The following ANO5 variants were observed in gnomAD, a reference collection of about 807,000 sequenced individuals.
The protein encoded by ANO5 is anoctamin 5.
In ANO5, 109 loss-of-function variants were observed where a neutral mutation model predicts 121.0. That is an observed-to-expected ratio of 0.90 (90% CI 0.77 to 1.06). The LOEUF (loss-of-function observed/expected upper bound fraction) is 1.06. Ranked by LOEUF, ANO5 falls within the 50% of genes least tolerant of loss-of-function variation. ANO5 has a pLI of 0.00. For missense variants in ANO5, 1,064 were observed against 1,078.5 expected, an observed-to-expected ratio of 0.99 and a Z score of 0.19; for synonymous variants, 406 against 359.9, an observed-to-expected ratio of 1.13 and a Z score of -1.45.
At chr11:22,261,061 C>A (rs961519055) in intron 15 of ANO5, 1 of 152,172 alleles carries the variant, frequency 6.6e-6, no homozygotes, top group Admixed American at 6.5e-5. Flanking sequence ...CATGAGCTTA[C>A]TTTCTTTAAA....
intron 17 of ANO5, among the ~76,000 whole-genome samples, chr11:22,264,849 C>A (rs995558744): frequency 6.6e-6 from 1 of 152,008 alleles, no homozygotes; most frequent in African/African-American, 2.4e-5. Flanking sequence ...GAGTACAGTT[C>A]CAGCCTGGAC....
intron 18 of ANO5, among the ~76,000 whole-genome samples, chr11:22,272,406 G>A (rs1298680247): frequency 6.7e-6 from 1 of 150,364 alleles, no homozygotes; most frequent in East Asian, 2.0e-4. Flanking sequence ...AAAATTAGAT[G>A]GGCTAGCAAG....
intron 17 of ANO5, among the ~76,000 whole-genome samples, chr11:22,267,626 T>TAAC (rs1854420238): frequency 2.3e-5 from 1 of 44,090 alleles, no homozygotes; most frequent in Non-Finnish European, 4.3e-5. Flanking sequence ...TCTCTCTTTT[T>TAAC]TTTTAACTGT....
intron 3 of ANO5, among the ~76,000 whole-genome samples, chr11:22,216,770 G>A (rs1170596058): frequency 6.6e-6 from 1 of 151,784 alleles, no homozygotes; most frequent in Non-Finnish European, 1.5e-5. Flanking sequence ...CTACACCAAA[G>A]TAGGGGAGAT....
At chr11:22,221,369 A>G (rs1193879436) in intron 5 of ANO5, among the ~76,000 whole-genome samples, 159 bp downstream of exon 5, 2 of 152,062 alleles carry the variant, frequency 1.3e-5, no homozygotes, top group African/African-American at 4.8e-5. Flanking sequence ...CAGCCTAAGA[A>G]TAGACATGTA....
chr11:22,223,436 G>C (rs915617186), intron 5 of ANO5, among the ~76,000 whole-genome samples: 2 of 151,966 alleles, frequency 1.3e-5, no homozygotes, highest in African/African-American at 4.8e-5. Flanking sequence ...AGTGCCCTAG[G>C]TTTTTATTAG....
intron 18 of ANO5, among the ~76,000 whole-genome samples, chr11:22,270,809 T>G (rs1854584953): frequency 6.6e-6 from 1 of 152,150 alleles, no homozygotes; most frequent in Non-Finnish European, 1.5e-5. Context: ...ATAAGTAGCC[T>G]GGAAAACATT....
chr11:22,262,330 G>A, intron 16 of ANO5, 32 bp downstream of exon 16: 3 of 1,603,742 alleles, frequency 1.9e-6, no homozygotes, highest in Non-Finnish European at 2.6e-6. Flanking sequence ...GAGGTGTGTA[G>A]CTTCAATACC....
intron 14 of ANO5, among the ~76,000 whole-genome samples, chr11:22,258,557 T>C (rs1357533448): frequency 6.6e-6 from 1 of 152,216 alleles, no homozygotes; most frequent in African/African-American, 2.4e-5. Context: ...TTTGTGCTTT[T>C]GCAATATGGG....
chr11:22,272,631 T>C (rs1332130908), intron 18 of ANO5, among the ~76,000 whole-genome samples, 153 bp from the exon 19 acceptor site: 1 of 152,090 alleles, frequency 6.6e-6, no homozygotes, highest in Non-Finnish European at 1.5e-5. Context: ...GTGCCTCCTG[T>C]GGTAGAGGAG....
intron 1 of ANO5, among the ~76,000 whole-genome samples, chr11:22,199,742 G>A (rs1564907680): frequency 6.6e-6 from 1 of 152,028 alleles, no homozygotes; most frequent in Non-Finnish European, 1.5e-5. Flanking sequence ...TCACTCTGTT[G>A]TGATGTGTTG....
intron 3 of ANO5, among the ~76,000 whole-genome samples, chr11:22,211,734 A>G (rs1852283012): frequency 6.6e-6 from 1 of 151,916 alleles, no homozygotes; most frequent in African/African-American, 2.4e-5. Context: ...AAAAAGTACA[A>G]TTCATTTAAA....
Position 22,193,544 on chromosome 11 carries a change from C to G in ANO5, c.40+12C>G. Reference sequence around the variant, plus strand: ...GTTGGCGGAGGAAGGTAGGACCGCGCCAAGAGGCGTCAAGGGAGAGCCAGG... The same window carrying G: ...GTTGGCGGAGGAAGGTAGGACCGCGGCAAGAGGCGTCAAGGGAGAGCCAGG... On this transcript the variant is annotated intron_variant, in intron 1 of 21. Transcript: ENST00000324559. 6.2e-7 allele frequency: 1 copy of G among 1,611,868 alleles called. No individual in the cohort carries two copies. The highest frequency in any genetic ancestry group is 8.5e-7 in the Non-Finnish European group (1 of 1,179,440).
intron 7 of ANO5, among the ~76,000 whole-genome samples, chr11:22,229,291 C>T (rs1852955383): frequency 6.6e-6 from 1 of 151,954 alleles, no homozygotes; most frequent in Non-Finnish European, 1.5e-5. Flanking sequence ...AATTAGAGAT[C>T]TGATTCCATG....
chr11:22,262,771 A>C (rs1854233036), intron 16 of ANO5, among the ~76,000 whole-genome samples, 175 bp from the exon 17 acceptor site: 1 of 152,250 alleles, frequency 6.6e-6, no homozygotes, highest in South Asian at 2.1e-4. Flanking sequence ...AATCTAATGC[A>C]GCTAGCCTGG....
chr11:22,274,607 T>A lies in ANO5; in HGVS notation c.2274T>A (p.Arg758=). ...CATTTACGTCAGACATCATTCCCCG[T>A]CTAGTTTACTACTATGCTTACTCAA... ...IVAFTSDIIP[R]LVYYYAYSTN... The change falls in exon 20 of 22, where the codon CGT becomes CGA. Residue 758 remains arginine (R), a synonymous_variant. Coordinates refer to ENST00000324559, the MANE Select transcript of ANO5 (RefSeq NM_213599.3). 6.2e-7 allele frequency: 1 copy of A among 1,609,346 alleles called. No individual in the cohort carries two copies. The highest frequency in any genetic ancestry group is 2.2e-5 in the East Asian group (1 of 44,758).
At chr11:22,220,092 G>T (rs1285588104) in intron 4 of ANO5, among the ~76,000 whole-genome samples, 1 of 151,590 alleles carries the variant, frequency 6.6e-6, no homozygotes, top group Non-Finnish European at 1.5e-5. Context: ...TTTTCTGGGA[G>T]GCCTGTCTCA....
At chr11:22,210,099 T>C (rs1852232214) in intron 2 of ANO5, among the ~76,000 whole-genome samples, 1 of 151,988 alleles carries the variant, frequency 6.6e-6, no homozygotes, top group Non-Finnish European at 1.5e-5. Flanking sequence ...CAAGTAGATA[T>C]AATCACATAT....
intron 5 of ANO5, among the ~76,000 whole-genome samples, chr11:22,222,531 C>A (rs1852687061): frequency 6.6e-6 from 1 of 151,902 alleles, no homozygotes; most frequent in Non-Finnish European, 1.5e-5. Context: ...CCACATTCTT[C>A]CTCTTTCAAC....
Sources: gnomAD v4.1 joint callset for allele counts (sites outside exome capture counted in the v4.1 genomes callset) on GRCh38, gnomAD v4.1.1 for gene constraint, MANE v1.5 for transcripts, NCBI Gene and HGNC (gene_info 2026-07-23, HGNC 2026-07-21) for gene names.